ANO4: variants seen among roughly 807,000 people sequenced by gnomAD.
ANO4 encodes the protein anoctamin-4.
In ANO4, 69 loss-of-function variants were observed where a neutral mutation model predicts 141.9. The observed-to-expected ratio is 0.49, with a 90% confidence interval of 0.40 to 0.59. The LOEUF (loss-of-function observed/expected upper bound fraction) is 0.59. Ranked by LOEUF, ANO4 falls within the 20% of genes least tolerant of loss-of-function variation. The probability of loss-of-function intolerance (pLI) is 0.00; values close to 1 mark genes in which losing one functional copy is unlikely to be tolerated. For missense variants in ANO4, 894 were observed against 1,162.2 expected, an observed-to-expected ratio of 0.77 and a Z score of 3.36; for synonymous variants, 350 against 394.3, an observed-to-expected ratio of 0.89 and a Z score of 1.33.
At chr12:100,845,334 G>A (rs948530894) in intron 1 of ANO4, among the ~76,000 whole-genome samples, 6 of 152,118 alleles carry the variant, frequency 3.9e-5, no homozygotes, top group African/African-American at 1.2e-4. Flanking sequence ...AAGAAAAGTT[G>A]ACCTGGGAGA....
intron 2 of ANO4, among the ~76,000 whole-genome samples, chr12:100,911,819 A>G (rs909712286): frequency 3.3e-5 from 5 of 152,324 alleles, no homozygotes; most frequent in Admixed American, 2.0e-4. Context: ...TAGTTCTGCC[A>G]AGAGTCAGGA....
intron 1 of ANO4, among the ~76,000 whole-genome samples, chr12:100,827,170 C>A (rs2135757276): frequency 6.6e-6 from 1 of 152,144 alleles, no homozygotes; most frequent in East Asian, 1.9e-4. Flanking sequence ...ATGGCTCTTA[C>A]ATCATCTGGC....
intron 9 of ANO4, among the ~76,000 whole-genome samples, chr12:101,023,390 G>A (rs373585985): frequency 6.6e-6 from 1 of 152,134 alleles, no homozygotes; most frequent in African/African-American, 2.4e-5. Flanking sequence ...TTGGTAATAG[G>A]CCAGGCACAT....
chr12:100,941,002 T>C, intron 4 of ANO4, among the ~76,000 whole-genome samples: 1 of 152,226 alleles, frequency 6.6e-6, no homozygotes, highest in East Asian at 1.9e-4. Flanking sequence ...AACCACCATC[T>C]GATTTATGAA....
intron 7 of ANO4, among the ~76,000 whole-genome samples, chr12:100,983,657 G>A (rs2044582039): frequency 6.6e-6 from 1 of 152,200 alleles, no homozygotes; most frequent in Non-Finnish European, 1.5e-5. Flanking sequence ...TTCAAAGCCA[G>A]CAATGGTGGG....
intron 15 of ANO4, among the ~76,000 whole-genome samples, chr12:101,080,787 A>G (rs1262207004): frequency 2.0e-5 from 3 of 150,808 alleles, no homozygotes; most frequent in African/African-American, 7.3e-5. Context: ...AGATTGCACC[A>G]CTGCACTCCA....
intron 5 of ANO4, among the ~76,000 whole-genome samples, chr12:100,943,927 G>A (rs1173874582): frequency 6.6e-6 from 1 of 151,898 alleles, no homozygotes; most frequent in Non-Finnish European, 1.5e-5. Context: ...TTTATATGAA[G>A]AAATAAAAGA....
chr12:100,765,607 C>A (rs2033042208), intron 3 of ANO4, among the ~76,000 whole-genome samples: 2 of 150,322 alleles, frequency 1.3e-5, no homozygotes, highest in Non-Finnish European at 3.0e-5. Flanking sequence ...AACTCCTGGG[C>A]TCAAGCGATC....
At chr12:100,857,598 T>C (rs1205542074) in intron 1 of ANO4, among the ~76,000 whole-genome samples, 2 of 152,160 alleles carry the variant, frequency 1.3e-5, no homozygotes. Context: ...ATGAAGCTGA[T>C]ACGCAGACAA....
chr12:101,108,291 G>C (rs894617085), intron 22 of ANO4, among the ~76,000 whole-genome samples: 4 of 152,162 alleles, frequency 2.6e-5, no homozygotes, highest in Non-Finnish European at 1.5e-5. Flanking sequence ...CCTAGCACAA[G>C]CACTAAGTGT....
At chr12:101,078,529 T>C (rs991394617) in intron 14 of ANO4, among the ~76,000 whole-genome samples, 7 of 152,234 alleles carry the variant, frequency 4.6e-5, no homozygotes, top group African/African-American at 1.7e-4. Context: ...CAGATTTCTC[T>C]GCATGGGGAG....
intron 8 of ANO4, among the ~76,000 whole-genome samples, chr12:101,016,625 T>C (rs972111319): frequency 1.3e-5 from 2 of 152,232 alleles, no homozygotes; most frequent in African/African-American, 4.8e-5. Context: ...GTTTATCATG[T>C]GCTAAGCCCT....
At chr12:101,091,000 A>G (rs193106367) in intron 17 of ANO4, among the ~76,000 whole-genome samples, 658 of 152,312 alleles carry the variant, frequency 4.3e-3, no homozygotes, top group Non-Finnish European at 8.1e-3. Context: ...ATATGCTGGG[A>G]GCTAGGCTGC....
chr12:100,868,906 A>G (rs2038895667), intron 1 of ANO4, among the ~76,000 whole-genome samples: 2 of 152,230 alleles, frequency 1.3e-5, no homozygotes, highest in African/African-American at 4.8e-5. Context: ...AACATTTAAA[A>G]ATTGTAAAAA....
chr12:101,125,249 A>G (rs1420521943), intron 26 of ANO4, among the ~76,000 whole-genome samples: 3 of 152,130 alleles, frequency 2.0e-5, no homozygotes, highest in Non-Finnish European at 4.4e-5. Context: ...GAGTTCATCC[A>G]TGATTTGGCT....
intron 1 of ANO4, among the ~76,000 whole-genome samples, chr12:100,882,748 G>C (rs2039631149): frequency 6.6e-6 from 1 of 152,034 alleles, no homozygotes; most frequent in Admixed American, 6.5e-5. Context: ...CCCCAGGCTG[G>C]AGTGCAGTGG....
chr12:100,983,931 A>G (rs577434651), intron 7 of ANO4, among the ~76,000 whole-genome samples: 2 of 152,248 alleles, frequency 1.3e-5, no homozygotes, highest in African/African-American at 4.8e-5. Context: ...CAAACTGCTG[A>G]CCATGTTTGA....
At chr12:100,740,130 A>T (rs1202986449) in intron 3 of ANO4, 2 of 700,846 alleles carry the variant, frequency 2.9e-6, no homozygotes, top group Non-Finnish European at 5.2e-6. Flanking sequence ...CCTGTTGGAG[A>T]TTCGGGACTG....
At chr12:100,873,028 G>T (rs1444021992) in intron 1 of ANO4, among the ~76,000 whole-genome samples, 1 of 152,078 alleles carries the variant, frequency 6.6e-6, no homozygotes, top group Non-Finnish European at 1.5e-5. Context: ...CTCCTTCTTT[G>T]GCCACATAAG....
Sources: gnomAD v4.1 joint callset for allele counts (sites outside exome capture counted in the v4.1 genomes callset) on GRCh38, gnomAD v4.1.1 for gene constraint, MANE v1.5 for transcripts, NCBI Gene and HGNC (gene_info 2026-07-23, HGNC 2026-07-21) for gene names.